Variants in ZMAT4 observed in about 807,000 individuals in gnomAD.
ZMAT4 encodes zinc finger matrin-type 4, also known as zinc finger matrin-type protein 4.
Under a neutral mutation model 28.7 loss-of-function variants are expected in ZMAT4, and 17 were observed. The observed-to-expected ratio is 0.59, with a 90% CI of 0.41 to 0.89. The LOEUF is 0.89. Among genes scored for constraint, ZMAT4 ranks in the 40% least tolerant of loss-of-function variants. The pLI, the probability that ZMAT4 is intolerant of heterozygous loss-of-function variation, is 0.00. For synonymous variants in ZMAT4, 117 were observed against 109.2 expected (o/e 1.07, Z -0.44); for missense variants, 240 against 283.8 (o/e 0.85, Z 1.11).
intron 6 of ZMAT4, among the ~76,000 whole-genome samples, chr8:40,546,661 G>A (rs1251153303): frequency 1.3e-5 from 2 of 152,114 alleles, no homozygotes; most frequent in African/African-American, 2.4e-5. Context: ...CAGTTCCTGA[G>A]GCAGCATAAT....
intron 3 of ZMAT4, among the ~76,000 whole-genome samples, chr8:40,757,480 G>A (rs148835669): frequency 0.031 from 4,768 of 151,990 alleles, 119 homozygotes; most frequent in Middle Eastern, 0.054. Context: ...CAACTACTTG[G>A]GAGGCTGAGG....
chr8:40,634,115 A>G (rs367777787), intron 5 of ZMAT4, among the ~76,000 whole-genome samples: 1 of 152,198 alleles, frequency 6.6e-6, no homozygotes. Context: ...ATGAAAAGTA[A>G]AGGGGCAAAA....
intron 5 of ZMAT4, among the ~76,000 whole-genome samples, chr8:40,656,869 G>T (rs1432710669): frequency 1.3e-5 from 2 of 152,054 alleles, no homozygotes; most frequent in Non-Finnish European, 2.9e-5. Context: ...ACTAGTGGTT[G>T]CTTGGGGCTA....
chr8:40,845,851 A>G (rs1365706056), intron 1 of ZMAT4, among the ~76,000 whole-genome samples: 2 of 151,810 alleles, frequency 1.3e-5, no homozygotes, highest in South Asian at 2.1e-4. Context: ...GTACTTAACA[A>G]TGATAGAGCC....
At chr8:40,888,130 T>C (rs897574262) in intron 1 of ZMAT4, among the ~76,000 whole-genome samples, 2 of 152,184 alleles carry the variant, frequency 1.3e-5, no homozygotes, top group Admixed American at 6.5e-5. Context: ...AGTCATCTCT[T>C]ACTCTTAACT....
intron 3 of ZMAT4, among the ~76,000 whole-genome samples, chr8:40,748,061 C>G (rs966183933): frequency 1.3e-5 from 2 of 152,130 alleles, no homozygotes; most frequent in Non-Finnish European, 2.9e-5. Context: ...TTGCTGAGCT[C>G]TGGAGTATTT....
At chr8:40,889,633 A>G (rs901930536) in intron 1 of ZMAT4, among the ~76,000 whole-genome samples, 1 of 152,084 alleles carries the variant, frequency 6.6e-6, no homozygotes, top group Non-Finnish European at 1.5e-5. Flanking sequence ...ATTATACTCT[A>G]TTTACTTTTA....
intron 2 of ZMAT4, among the ~76,000 whole-genome samples, chr8:40,796,233 C>A (rs536038779): frequency 6.6e-6 from 1 of 152,210 alleles, no homozygotes; most frequent in Non-Finnish European, 1.5e-5. Flanking sequence ...CAAGAGGCTC[C>A]CCAGGGAGAG....
chr8:40,875,896 C>T (rs1301922015), intron 1 of ZMAT4, among the ~76,000 whole-genome samples: 3 of 152,066 alleles, frequency 2.0e-5, no homozygotes, highest in African/African-American at 7.2e-5. Context: ...CAAGGGGAGG[C>T]CAACAAGTGA....
intron 2 of ZMAT4, among the ~76,000 whole-genome samples, chr8:40,798,209 C>A (rs921169396): frequency 6.6e-6 from 1 of 152,160 alleles, no homozygotes; most frequent in East Asian, 1.9e-4. Context: ...ACACACAAAC[C>A]AGAGCAGATA....
Position 40,601,495 on chromosome 8 carries a change from G to GAA in ZMAT4, c.578-20235_578-20234insTT, listed in dbSNP as rs1563360151. Among the ~76,000 whole-genome samples, 643 of 97,062 alleles carry GAA rather than the reference G, an allele frequency of 6.6e-3. 93 individuals carry two copies. The highest frequency in any genetic ancestry group is 0.012 in the African/African-American group (271 of 23,432). The allele number at this position is 97,062 out of a possible 152,430, so 63.7% of individuals were successfully genotyped here. ...AAAGAAAGAAAGAAAGAAAGAAAGA[G>GAA]AGAAAGAAAGAAAGAGAAAGAGAAA... On this transcript the variant is annotated intron_variant, in intron 5 of 6. Coordinates refer to ENST00000297737, the MANE Select transcript of ZMAT4 (RefSeq NM_024645.3).
At chr8:40,790,573 A>G (rs1189126413) in intron 2 of ZMAT4, among the ~76,000 whole-genome samples, 2 of 152,208 alleles carry the variant, frequency 1.3e-5, no homozygotes, top group Non-Finnish European at 2.9e-5. Context: ...TTGGGGATAA[A>G]TCTGACAAAA....
intron 6 of ZMAT4, among the ~76,000 whole-genome samples, chr8:40,547,960 G>T (rs973659195): frequency 5.3e-5 from 8 of 152,124 alleles, no homozygotes; most frequent in Non-Finnish European, 1.2e-4. Flanking sequence ...GGGTGATCTG[G>T]GACGGCCTCA....
At chr8:40,555,712 T>A (rs954856974) in intron 6 of ZMAT4, among the ~76,000 whole-genome samples, 1 of 152,128 alleles carries the variant, frequency 6.6e-6, no homozygotes, top group African/African-American at 2.4e-5. Context: ...CATTCCTTCA[T>A]CACTGATGAG....
In ZMAT4 at chr8:40,558,220, C is replaced by A. The variant is rs544906383; in HGVS notation, c.674+22945G>T. Among the ~76,000 whole-genome samples, 114 of 152,210 alleles carry A rather than the reference C, an allele frequency of 7.5e-4. 1 individual carries two copies. Among genetic ancestry groups the A allele is most frequent in the African/African-American group, 2.7e-3 (111 of 41,546 alleles). On this transcript the variant is annotated intron_variant, in intron 6 of 6. Coordinates refer to ENST00000297737, the MANE Select transcript of ZMAT4 (RefSeq NM_024645.3). ...TTACACAGGGCTCTGGGAGCCAGCA[C>A]GAAGAGTCCGAATCCTCTTCTGAGT...
chr8:40,735,626 T>C (rs1811732402), intron 3 of ZMAT4, among the ~76,000 whole-genome samples: 1 of 152,184 alleles, frequency 6.6e-6, no homozygotes, highest in South Asian at 2.1e-4. Flanking sequence ...ACAGGTTTTG[T>C]GTTATAGCCA....
chr8:40,721,353 C>T (rs1811085314), intron 3 of ZMAT4, among the ~76,000 whole-genome samples: 1 of 121,768 alleles, frequency 8.2e-6, no homozygotes, highest in African/African-American at 3.2e-5. Context: ...GTATATGTGC[C>T]ACATTTTCTT....
At position 40,825,588 on chromosome 8, in the gene ZMAT4, A is replaced by G. The variant is rs1469056625; in HGVS notation, c.89T>C (p.Val30Ala). ...SAQLISESQR[V>A]AHYESRKHAS... is the part of the protein sequence containing the mutation. ...CGCTGTCCTTACCTCGTAGTGGGCC[A>G]CACGCTGCGATTCGGAGATCAGCTG... Residue 30 changes from valine (V) to alanine (A), a missense_variant, in exon 2 of 7, where the codon GTG becomes GCG. Physicochemically the swap from Val to Ala is moderately conservative, Grantham distance 64. Transcript: ENST00000297737. 10 of 1,552,856 alleles carry G rather than the reference A, an allele frequency of 6.4e-6. No individual in the cohort carries two copies. The highest frequency in any genetic ancestry group is 4.8e-5 in the East Asian group (2 of 41,312).
In ZMAT4 at chr8:40,674,873, A is replaced by C. The variant is rs765286758; in HGVS notation, c.408T>G (p.Ser136=). ...PRMDTAPVVA[S]PYQRRDSDRY... is the part of the protein sequence containing the mutation. ...TGTCTGAATCTCTTCTTTGATAGGG[A>C]GATGCGACCACCGGAGCAGTGTCCA... Residue 136 remains serine, a synonymous_variant, in exon 5 of 7, where the codon TCT becomes TCG. Coordinates refer to ENST00000297737, the MANE Select transcript of ZMAT4 (RefSeq NM_024645.3). 9 of 1,613,442 alleles carry C rather than the reference A, an allele frequency of 5.6e-6. No individual in the cohort carries two copies. The highest frequency in any genetic ancestry group is 7.6e-6 in the Non-Finnish European group (9 of 1,179,864).
Sources: allele counts gnomAD v4.1 joint callset (sites outside exome capture counted in the v4.1 genomes callset), GRCh38; gene constraint gnomAD v4.1.1; transcripts MANE v1.5; gene names NCBI Gene and HGNC (gene_info 2026-07-23, HGNC 2026-07-21).